ADGRE3: variants seen among roughly 807,000 people sequenced by gnomAD.
ADGRE3 encodes EGF-like module receptor 3.
In ADGRE3, 88 loss-of-function variants were observed where a neutral mutation model predicts 80.1. The ratio of observed to expected loss-of-function variants is 1.10; its 90% confidence interval spans 0.93 to 1.31. The LOEUF is 1.31. ADGRE3 is among the 40% of genes most tolerant of loss of function. The pLI, the probability that ADGRE3 is intolerant of heterozygous loss-of-function variation, is 0.00. For synonymous variants in ADGRE3, 281 were observed against 294.8 expected (o/e 0.95, Z 0.48); for missense variants, 715 against 776.5 (o/e 0.92, Z 0.94).
chr19:14,641,384 G>A (rs1971241992), intron 10 of ADGRE3, 35 bp downstream of exon 10: 1 of 1,612,612 alleles, frequency 6.2e-7, no homozygotes, highest in Admixed American at 1.7e-5. Context: ...TGTACCTTGG[G>A]GCAGAAAGGG....
chr19:14,618,544 A>T (rs2146782838), downstream of ADGRE3, among the ~76,000 whole-genome samples: 1 of 148,758 alleles, frequency 6.7e-6, no homozygotes, highest in Middle Eastern at 3.7e-3. Flanking sequence ...ACAGAGTGAG[A>T]CTCAGTCTCA....
At chr19:14,631,266 G>A (rs1327923282) in intron 13 of ADGRE3, among the ~76,000 whole-genome samples, 2 of 152,172 alleles carry the variant, frequency 1.3e-5, no homozygotes, top group Admixed American at 6.6e-5. Flanking sequence ...TGTTTGAGGT[G>A]ATGAGTACCT....
intron 15 of ADGRE3, among the ~76,000 whole-genome samples, chr19:14,620,420 G>GTATATATGAA (rs1568470959): frequency 7.1e-6 from 1 of 140,806 alleles, no homozygotes; most frequent in African/African-American, 2.8e-5. Context: ...GTATATTCAT[G>GTATATATGAA]TATATATGAA....
At chr19:14,649,024 ATC>A (rs1971499223) in intron 7 of ADGRE3, among the ~76,000 whole-genome samples, 2 of 122,234 alleles carry the variant, frequency 1.6e-5, no homozygotes, top group African/African-American at 3.3e-5. Flanking sequence ...CTCTTTCCAC[ATC>A]TCTCTCTTTC....
rs537719643 is a variant in ADGRE3 at position 14,646,324 on chromosome 19, A to C, written c.882+857T>G. On this transcript the variant is annotated intron_variant, in intron 8 of 15. Transcript: ENST00000253673. ...TTTTAGTAGAGATGGGGTTTCACGA[A>C]GTTGGCCACTTGATCACTTGACCTC... Among the ~76,000 whole-genome samples the C allele has an allele frequency of 1.1e-3, 165 of 152,220 alleles. 1 individual carries two copies. The highest frequency in any genetic ancestry group is 3.8e-3 in the African/African-American group (160 of 41,572).
intron 5 of ADGRE3, among the ~76,000 whole-genome samples, chr19:14,656,260 G>A (rs755024778): frequency 1.6e-4 from 24 of 149,488 alleles, no homozygotes; most frequent in Non-Finnish European, 3.0e-4. Flanking sequence ...CAGGAGAATC[G>A]CTTGAACCTG....
intron 15 of ADGRE3, among the ~76,000 whole-genome samples, chr19:14,620,523 T>C (rs1404727299): frequency 6.6e-5 from 3 of 45,716 alleles, no homozygotes; most frequent in African/African-American, 1.6e-4. Context: ...TGACTATATA[T>C]GAATATATAT....
At chr19:14,655,344 G>A (rs1031509186) in intron 5 of ADGRE3, among the ~76,000 whole-genome samples, 179 bp from the exon 6 acceptor site, 2 of 152,108 alleles carry the variant, frequency 1.3e-5, no homozygotes, top group Non-Finnish European at 2.9e-5. Context: ...ATCACTCTGT[G>A]CCCCACGACA....
At chr19:14,628,038 T>A (rs1014514429) in intron 14 of ADGRE3, among the ~76,000 whole-genome samples, 3 of 151,662 alleles carry the variant, frequency 2.0e-5, no homozygotes, top group African/African-American at 7.3e-5. Context: ...TGAGGCAGGA[T>A]AATCACTTGA....
Position 14,660,937 on chromosome 19 carries a change from CTTTTTTTTT to C in ADGRE3, c.355+1017_355+1025del, listed in dbSNP as rs35730102. Among the ~76,000 whole-genome samples the C allele has an allele frequency of 8.0e-4, 67 of 83,514 alleles. 2 individuals are homozygous for C. In the East Asian group the frequency reaches 0.025, roughly 31 times the overall value. 54.8% of individuals were successfully genotyped at this position (83,514 alleles called of 152,430 possible). On this transcript the variant is annotated intron_variant, in intron 4 of 15. Transcript: ENST00000253673. ...TGGAGCGGGTTGGTGGTCATATTTC[CTTTTTTTTT>C]TTTTTTTTTTTTTGAGACAGAGTTT... is the stretch of plus-strand genomic sequence containing the variant.
At chr19:14,665,978 A>ATATATATATT (rs1568500899) in intron 2 of ADGRE3, among the ~76,000 whole-genome samples, 2 of 128,248 alleles carry the variant, frequency 1.6e-5, no homozygotes, top group African/African-American at 2.9e-5. Flanking sequence ...ATATATATAT[A>ATATATATATT]GTGTTTTCTT....
chr19:14,603,394 A>C, the ADGRE3 span, among the ~76,000 whole-genome samples: 18 of 152,318 alleles, frequency 1.2e-4, no homozygotes, highest in African/African-American at 3.6e-4. Flanking sequence ...CAAAATGGGC[A>C]TAATGATAAT....
intron 15 of ADGRE3, among the ~76,000 whole-genome samples, chr19:14,620,466 A>AGG (rs1970524632): frequency 3.2e-5 from 1 of 31,034 alleles, no homozygotes; most frequent in African/African-American, 1.2e-4. Flanking sequence ...GAATATATGA[A>AGG]TATATTATGA....
At chr19:14,632,042 GAT>G (rs1377244263) in intron 13 of ADGRE3, among the ~76,000 whole-genome samples, 1 of 152,104 alleles carries the variant, frequency 6.6e-6, no homozygotes, top group African/African-American at 2.4e-5. Flanking sequence ...CATACCTCAA[GAT>G]ATTTTGAAAT....
intron 9 of ADGRE3, among the ~76,000 whole-genome samples, chr19:14,641,827 A>G (rs1971260955): frequency 6.6e-6 from 1 of 152,186 alleles, no homozygotes; most frequent in Non-Finnish European, 1.5e-5. Context: ...GCCAATGTAG[A>G]TTGTTAATAC....
At chr19:14,606,837 A>G in the ADGRE3 span, among the ~76,000 whole-genome samples, 1 of 152,118 alleles carries the variant, frequency 6.6e-6, no homozygotes, top group South Asian at 2.1e-4. Flanking sequence ...CAGTGGGAGG[A>G]AGACATTGAT....
Position 14,663,476 on chromosome 19 carries a change from A to G in ADGRE3, c.141T>C (p.His47=), listed in dbSNP as rs1049062947. The change falls in exon 3 of 16, where the codon CAT becomes CAC. Residue 47 remains histidine, a synonymous_variant. Transcript: ENST00000253673. ...TCTGCCCAGATCCAGAAGTATATCC[A>G]TGGTTGCAGGTGCAGTGAGTGTTAT... ...CVNNTHCTCN[H]GYTSGSGQKL... is the part of the protein sequence containing the mutation. 3.7e-6 allele frequency: 6 copies of G among 1,613,348 alleles called. No individual in the cohort carries two copies. In the African/African-American group the frequency reaches 5.3e-5, roughly 14 times the overall value.
At chr19:14,652,653 C>T (rs1357640934) in intron 6 of ADGRE3, among the ~76,000 whole-genome samples, 1 of 151,552 alleles carries the variant, frequency 6.6e-6, no homozygotes, top group Non-Finnish European at 1.5e-5. Flanking sequence ...TGGCAGGCAC[C>T]TTTAATCCCA....
intron 1 of ADGRE3, among the ~76,000 whole-genome samples, chr19:14,673,804 C>T (rs1220002658): frequency 6.6e-6 from 1 of 152,152 alleles, no homozygotes; most frequent in African/African-American, 2.4e-5. Context: ...GTGGTGAAGT[C>T]AGGGCTTTTA....
Sources: allele counts gnomAD v4.1 joint callset (sites outside exome capture counted in the v4.1 genomes callset), GRCh38; gene constraint gnomAD v4.1.1; transcripts MANE v1.5; gene names NCBI Gene and HGNC (gene_info 2026-07-23, HGNC 2026-07-21).